The following PRKG1 variants were observed in gnomAD, a reference collection of about 807,000 sequenced individuals.
PRKG1 encodes cGMP-dependent protein kinase 1.
PRKG1 carries 35 observed loss-of-function variants against 88.1 expected under a neutral mutation model. The ratio of observed to expected loss-of-function variants is 0.40; its 90% CI spans 0.30 to 0.53. The LOEUF is 0.53. PRKG1 is among the 20% of genes least tolerant of loss of function. PRKG1 has a pLI of 0.59. For missense variants in PRKG1, 540 were observed against 839.8 expected (o/e 0.64, Z 4.41); for synonymous variants, 303 against 292.5 (o/e 1.04, Z -0.37).
At chr10:52,139,477 T>A (rs1397477870) in intron 8 of PRKG1, among the ~76,000 whole-genome samples, 1 of 152,092 alleles carries the variant, frequency 6.6e-6, no homozygotes, top group Non-Finnish European at 1.5e-5. Flanking sequence ...CCATTTCCTG[T>A]TACTGCGTTT....
At chr10:51,080,848 T>C (rs1844091966) in intron 1 of PRKG1, among the ~76,000 whole-genome samples, 1 of 152,204 alleles carries the variant, frequency 6.6e-6, no homozygotes, top group Non-Finnish European at 1.5e-5. Context: ...CCTCAGCACT[T>C]CCTTAAAATT....
At chr10:51,672,518 T>C (rs1459045734) in intron 3 of PRKG1, among the ~76,000 whole-genome samples, 3 of 152,198 alleles carry the variant, frequency 2.0e-5, no homozygotes, top group Non-Finnish European at 4.4e-5. Context: ...TGTTTTATTT[T>C]TATAAACATC....
At chr10:51,333,774 G>A (rs972041729) in intron 2 of PRKG1, among the ~76,000 whole-genome samples, 2 of 152,214 alleles carry the variant, frequency 1.3e-5, no homozygotes, top group Admixed American at 6.5e-5. Flanking sequence ...ACAGATGGAA[G>A]ACAGAAAATC....
At chr10:51,796,305 A>T (rs1839009129) in intron 3 of PRKG1, among the ~76,000 whole-genome samples, 1 of 152,116 alleles carries the variant, frequency 6.6e-6, no homozygotes, top group Admixed American at 6.6e-5. Context: ...ACGTAAAGAG[A>T]AGCAAGTATA....
chr10:51,336,523 T>C (rs1841881005), intron 2 of PRKG1, among the ~76,000 whole-genome samples: 1 of 152,152 alleles, frequency 6.6e-6, no homozygotes, highest in African/African-American at 2.4e-5. Flanking sequence ...ACACTGCTAA[T>C]TGATCATGGC....
At chr10:51,711,944 A>C (rs1056665009) in intron 3 of PRKG1, among the ~76,000 whole-genome samples, 1 of 152,118 alleles carries the variant, frequency 6.6e-6, no homozygotes, top group Non-Finnish European at 1.5e-5. Context: ...GGAAGGAAAA[A>C]TATATTTTCC....
At chr10:52,041,081 T>G (rs1320274589) in intron 5 of PRKG1, among the ~76,000 whole-genome samples, 5 of 152,080 alleles carry the variant, frequency 3.3e-5, no homozygotes, top group African/African-American at 1.2e-4. Flanking sequence ...TCAAGTCATC[T>G]GCCCACCTCG....
At chr10:51,139,421 C>T (rs2131952097) in intron 1 of PRKG1, among the ~76,000 whole-genome samples, 1 of 152,228 alleles carries the variant, frequency 6.6e-6, no homozygotes, top group East Asian at 1.9e-4. Flanking sequence ...CCTTGAAATG[C>T]TTCCCTCTCA....
chr10:52,036,585 G>A (rs985552557), intron 5 of PRKG1, among the ~76,000 whole-genome samples: 1 of 151,512 alleles, frequency 6.6e-6, no homozygotes, highest in Non-Finnish European at 1.5e-5. Flanking sequence ...GCCAAGGAGG[G>A]AGTAGAGGTA....
intron 2 of PRKG1, among the ~76,000 whole-genome samples, chr10:51,411,686 G>C (rs541199808): frequency 6.6e-6 from 1 of 152,258 alleles, no homozygotes; most frequent in African/African-American, 2.4e-5. Context: ...TTTTCTGTCC[G>C]TTTTTGCTTT....
chr10:51,817,347 A>ACCCCCCCCCC (rs367740899), intron 4 of PRKG1, among the ~76,000 whole-genome samples: 7 of 129,588 alleles, frequency 5.4e-5, no homozygotes, highest in Non-Finnish European at 1.0e-4. Flanking sequence ...TCCCTCCCCA[A>ACCCCCCCCCC]CCCCCCCCCT....
At position 51,874,718 on chromosome 10, in the gene PRKG1, G is replaced by C. The variant is rs75266143; in HGVS notation, c.699-32789G>C. On this transcript the variant is annotated intron_variant, in intron 4 of 17. Coordinates refer to ENST00000373980, the MANE Select transcript of PRKG1 (RefSeq NM_006258.4). ...AAATGGTAGAATATGTAGTGAAATA[G>C]AGTTGTTTATGTTTGTTTGTTTTTC... Among the ~76,000 whole-genome samples, 1,190 of 152,322 alleles carry C rather than the reference G, an allele frequency of 7.8e-3. 14 individuals carry two copies. Among genetic ancestry groups the C allele is most frequent in the African/African-American group, 0.028 (1,161 of 41,574 alleles).
intron 3 of PRKG1, among the ~76,000 whole-genome samples, chr10:51,561,078 A>G (rs1462124764): frequency 6.6e-6 from 1 of 151,750 alleles, no homozygotes. Context: ...GAGACCCTGT[A>G]TCTAAAAAAA....
At chr10:52,221,182 C>T (rs895274481) in intron 9 of PRKG1, among the ~76,000 whole-genome samples, 1 of 151,994 alleles carries the variant, frequency 6.6e-6, no homozygotes, top group Non-Finnish European at 1.5e-5. Flanking sequence ...TGATTGTTGG[C>T]CGCATGTACA....
chr10:51,204,356 G>C (rs1010460235), intron 2 of PRKG1, among the ~76,000 whole-genome samples: 1 of 145,324 alleles, frequency 6.9e-6, no homozygotes, highest in Admixed American at 6.9e-5. Flanking sequence ...TAGATTATTT[G>C]AGTAGACCTC....
At chr10:51,063,857 G>A (rs1208381918) in intron 1 of PRKG1, among the ~76,000 whole-genome samples, 1 of 152,108 alleles carries the variant, frequency 6.6e-6, no homozygotes, top group Non-Finnish European at 1.5e-5. Context: ...AGTAGAGGGT[G>A]CAATTGTACC....
intron 5 of PRKG1, among the ~76,000 whole-genome samples, chr10:52,044,092 T>C (rs995051878): frequency 3.9e-5 from 6 of 152,052 alleles, no homozygotes; most frequent in African/African-American, 1.4e-4. Context: ...TGATGTGCTC[T>C]AACCACCAAA....
At chr10:51,383,173 T>A (rs2132632743) in intron 2 of PRKG1, among the ~76,000 whole-genome samples, 1 of 152,216 alleles carries the variant, frequency 6.6e-6, no homozygotes. Flanking sequence ...AAAGTCTTGT[T>A]AGGAAGAATG....
At chr10:51,070,411 AC>A (rs60370843), upstream of PRKG1, among the ~76,000 whole-genome samples, 72,523 of 151,928 alleles carry the variant, frequency 0.48, 19,748 homozygotes, top group South Asian at 0.67. Flanking sequence ...AGGACTTGTT[AC>A]TTTTAGCAAT....
Sources: gnomAD v4.1 joint callset for allele counts (sites outside exome capture counted in the v4.1 genomes callset) on GRCh38, gnomAD v4.1.1 for gene constraint, MANE v1.5 for transcripts, NCBI Gene and HGNC (gene_info 2026-07-23, HGNC 2026-07-21) for gene names.